Variants in DYNC2H1 observed in about 807,000 individuals in gnomAD.
The protein encoded by DYNC2H1 is cytoplasmic dynein 2 heavy chain 1.
In DYNC2H1, 410 loss-of-function variants were observed where a neutral mutation model predicts 570.0. The ratio of observed to expected loss-of-function variants is 0.72; its 90% CI spans 0.66 to 0.78. The LOEUF is 0.78. Among genes scored for constraint, DYNC2H1 ranks in the 30% least tolerant of loss-of-function variants. DYNC2H1 has a pLI of 0.00. For missense variants in DYNC2H1, 4,865 were observed against 5,046.4 expected (o/e 0.96, Z 1.09); for synonymous variants, 1,688 against 1,677.6 (o/e 1.01, Z -0.15).
At chr11:103,220,832 ATTCT>A (rs763773862) in intron 57 of DYNC2H1, 49 bp downstream of exon 57, 9 of 1,517,290 alleles carry the variant, frequency 5.9e-6, no homozygotes, top group Admixed American at 1.9e-5. Flanking sequence ...TGAATGACAC[ATTCT>A]TTCGTAGTTT....
rs633196 is a variant in DYNC2H1, at chr11:103,252,588, A to G, written c.10043-697A>G. On this transcript the variant is annotated intron_variant, in intron 65 of 88. Coordinates refer to ENST00000375735, the MANE Select transcript of DYNC2H1 (RefSeq NM_001377.3). This position sits in a 1 kb window ranked among gnomAD's most constrained non-coding sequence, Gnocchi z 4.6. ...TAGTGGTTTTGATTTGCATTTCCTC[A>G]TGATAAGTGATGTTGAGCATCGTTT... 0.056 allele frequency among the ~76,000 whole-genome samples: 8,486 copies of G among 152,206 alleles called. 315 individuals are homozygous for G. The highest frequency in any genetic ancestry group is 0.13 in the Middle Eastern group (37 of 294).
chr11:103,294,633 C>T (rs1157224967), intron 75 of DYNC2H1, among the ~76,000 whole-genome samples: 2 of 152,162 alleles, frequency 1.3e-5, no homozygotes, highest in African/African-American at 4.8e-5. Context: ...ATGGGCTCTG[C>T]CTTGACCACC....
At chr11:103,394,289 G>A (rs1591676962) in intron 83 of DYNC2H1, among the ~76,000 whole-genome samples, 1 of 152,104 alleles carries the variant, frequency 6.6e-6, no homozygotes, top group African/African-American at 2.4e-5. Flanking sequence ...ACGGATCTCC[G>A]AATCTGTAGG....
chr11:103,340,020 A>C (rs7480636), intron 82 of DYNC2H1, among the ~76,000 whole-genome samples: 33,025 of 152,034 alleles, frequency 0.22, 3,706 homozygotes, highest in Admixed American at 0.31. Flanking sequence ...CAGTGCTATG[A>C]CGCCTGGGTT....
intron 83 of DYNC2H1, among the ~76,000 whole-genome samples, chr11:103,368,465 A>G (rs568182730): frequency 4.6e-5 from 7 of 151,892 alleles, no homozygotes; most frequent in Admixed American, 2.0e-4. Context: ...CCATTGAGGT[A>G]ATTTCCTTTT....
intron 84 of DYNC2H1, 78 bp from the exon 85 acceptor site, chr11:103,435,865 C>T (rs1055616735): frequency 1.6e-5 from 23 of 1,441,836 alleles, no homozygotes; most frequent in Non-Finnish European, 2.2e-5. Context: ...AAATTTTTCT[C>T]CATCACACTA....
At position 103,245,464 on chromosome 11, in the gene DYNC2H1, TC is replaced by T; in HGVS notation, c.10042+92del. The T allele has an allele frequency of 7.8e-7, 1 of 1,287,702 alleles. No individual in the cohort carries two copies. Among genetic ancestry groups the T allele is most frequent in the Non-Finnish European group, 1.1e-6 (1 of 947,412 alleles). 79.8% of individuals were successfully genotyped at this position (1,287,702 alleles called of 1,614,324 possible). ...AGGTGCAAGCTTTCAAGAGTCCTCT[TC>T]CAGTGGAGTCACACATGATGGGCTT... is the stretch of plus-strand genomic sequence containing the variant. On this transcript the variant is annotated intron_variant, in intron 65 of 88. Coordinates refer to ENST00000375735, the MANE Select transcript of DYNC2H1 (RefSeq NM_001377.3). The surrounding 1 kb of genome is among the most constrained non-coding windows in gnomAD (Gnocchi z 4.5).
chr11:103,109,657 G>A lies in DYNC2H1; in HGVS notation c.83G>A (p.Trp28Ter), dbSNP rs1305856603. The change falls in exon 1 of 89, where the codon TGG (tryptophan) becomes TAG (stop). Residue 28 changes from tryptophan (W) to a stop codon, truncating the protein, a stop_gained. Transcript: ENST00000375735. LOFTEE classifies it high-confidence loss of function. ...QNYFGLMSEL[W>*]DQPLLCNCLE... Reference sequence around the variant, plus strand: ...TACTTCGGGTTGATGTCTGAACTCTGGGATCAGCCACTGTTGTGCAACTGT... The same window carrying A: ...TACTTCGGGTTGATGTCTGAACTCTAGGATCAGCCACTGTTGTGCAACTGT... 1 of 1,613,840 alleles carries A rather than the reference G, an allele frequency of 6.2e-7. No individual in the cohort carries two copies. The highest frequency in any genetic ancestry group is 8.5e-7 in the Non-Finnish European group (1 of 1,179,894).
At chr11:103,168,334 A>G (rs910608956) in intron 31 of DYNC2H1, among the ~76,000 whole-genome samples, 7 of 152,154 alleles carry the variant, frequency 4.6e-5, no homozygotes, top group Admixed American at 3.3e-4. Context: ...GAAGGGGGGA[A>G]AAATACAATG....
At chr11:103,393,675 G>A (rs17100614) in intron 83 of DYNC2H1, among the ~76,000 whole-genome samples, 7,016 of 152,210 alleles carry the variant, frequency 0.046, 309 homozygotes, top group East Asian at 0.19. Context: ...CCATGCCTCA[G>A]ATCTTTCAGA....
chr11:103,200,761 GCA>G (rs1565390783), intron 50 of DYNC2H1, among the ~76,000 whole-genome samples: 1 of 152,142 alleles, frequency 6.6e-6, no homozygotes, highest in Non-Finnish European at 1.5e-5. Context: ...CTGGAAAAAT[GCA>G]CATTCTCCTT....
chr11:103,109,638 G>C lies in DYNC2H1; in HGVS notation c.64G>C (p.Gly22Arg), dbSNP rs751464413. 4.3e-6 allele frequency: 7 copies of C among 1,613,870 alleles called. No individual in the cohort carries two copies. In the Admixed American group the frequency reaches 1.2e-4, roughly 27 times the overall value. Residue 22 changes from glycine (G) to arginine (R), a missense_variant, in exon 1 of 89, where the codon GGG (glycine) becomes CGG (arginine). Transcript: ENST00000375735. ...FIFTTTQNYF[G>R]LMSELWDQPL... ...CTTCACTACTACCCAGAATTACTTCGGGTTGATGTCTGAACTCTGGGATCA... is the reference window on the plus strand; with the variant it reads ...CTTCACTACTACCCAGAATTACTTCCGGTTGATGTCTGAACTCTGGGATCA...
intron 54 of DYNC2H1, among the ~76,000 whole-genome samples, chr11:103,214,446 C>CTTCTT (rs1555071096): frequency 7.8e-6 from 1 of 127,448 alleles, no homozygotes; most frequent in Non-Finnish European, 1.6e-5. Flanking sequence ...ACTTCTTCTT[C>CTTCTT]TTTTTTTTTT....
At chr11:103,417,646 A>G (rs1943333818) in intron 84 of DYNC2H1, among the ~76,000 whole-genome samples, 1 of 115,488 alleles carries the variant, frequency 8.7e-6, no homozygotes, top group Non-Finnish European at 1.8e-5. Flanking sequence ...TGGGAGGTCA[A>G]GGCAGGCAGA....
chr11:103,329,237 A>G (rs968893244), intron 82 of DYNC2H1, among the ~76,000 whole-genome samples: 2 of 151,788 alleles, frequency 1.3e-5, no homozygotes, highest in African/African-American at 4.8e-5. Flanking sequence ...GAATTTTAGC[A>G]AGAGTGATCT....
At chr11:103,221,944 G>C in intron 57 of DYNC2H1, 86 bp from the exon 58 acceptor site, 1 of 1,374,336 alleles carries the variant, frequency 7.3e-7, no homozygotes, top group Non-Finnish European at 1.0e-6. Flanking sequence ...TAAAAGTATT[G>C]CATACACCAT....
chr11:103,309,567 A>T (rs558323676), intron 78 of DYNC2H1, among the ~76,000 whole-genome samples: 4 of 151,376 alleles, frequency 2.6e-5, no homozygotes, highest in Non-Finnish European at 5.9e-5. Flanking sequence ...GAAAAAAAAA[A>T]GGGTAAGCAT....
rs1860827159 is a variant in DYNC2H1, at chr11:103,156,479, T to C, written c.3836T>C (p.Ile1279Thr). The change falls in exon 26 of 89, where the codon ATT becomes ACT. Residue 1279 changes from isoleucine (I) to threonine (T), a missense_variant. Physicochemically the swap from Ile to Thr is moderately conservative, Grantham distance 89. Around this residue, in one of 5 missense-constraint regions of DYNC2H1, gnomAD observed 1,936 missense variants for 1,962.1 expected, o/e 0.99. Transcript: ENST00000375735. ...LWGVGAVFTL[I>T]DYEDSQSRTM... ...GGAGTTGGAGCAGTGTTTACATTAATTGATTATGAAGACAGCCAAAGTCGA... is the reference window on the plus strand; with the variant it reads ...GGAGTTGGAGCAGTGTTTACATTAACTGATTATGAAGACAGCCAAAGTCGA... 1 of 1,613,762 alleles carries C rather than the reference T, an allele frequency of 6.2e-7. No homozygotes were observed. The highest frequency in any genetic ancestry group is 8.5e-7 in the Non-Finnish European group (1 of 1,179,732).
intron 17 of DYNC2H1, among the ~76,000 whole-genome samples, chr11:103,140,267 G>T (rs1167502150): frequency 6.6e-6 from 1 of 151,996 alleles, no homozygotes; most frequent in African/African-American, 2.4e-5. Context: ...ATGTTAGCTG[G>T]TTATTTTGCT....
Sources: gnomAD v4.1 joint callset for allele counts (sites outside exome capture counted in the v4.1 genomes callset) on GRCh38, gnomAD v4.1.1 for gene constraint, gnomAD v4.1.1 regional missense constraint, Gnocchi (gnomAD v3.1) non-coding constraint, MANE v1.5 for transcripts, NCBI Gene and HGNC (gene_info 2026-07-23, HGNC 2026-07-21) for gene names.